The following PCDHA3 variants were observed in gnomAD, a reference collection of about 807,000 sequenced individuals.
PCDHA3 encodes the protein protocadherin alpha 3.
PCDHA3 carries 41 observed loss-of-function variants against 62.2 expected under a neutral mutation model. That is an observed-to-expected ratio of 0.66 (90% CI 0.51 to 0.86). PCDHA3 has a LOEUF of 0.86. Among genes scored for constraint, PCDHA3 ranks in the 40% least tolerant of loss-of-function variants. PCDHA3 has a pLI of 0.00. For missense variants in PCDHA3, 1,304 were observed against 1,241.2 expected (o/e 1.05, Z -0.76); for synonymous variants, 640 against 555.4 (o/e 1.15, Z -2.14).
intron 1 of PCDHA3, chr5:140,966,442 T>C (rs1474683794): frequency 4.7e-6 from 2 of 424,056 alleles, no homozygotes; most frequent in East Asian, 3.6e-5. Flanking sequence ...TACCGCTCCC[T>C]TTCCCCCTCC....
chr5:140,843,160 A>C lies in PCDHA3; in HGVS notation c.2394+39569A>C, dbSNP rs2150354112. The stretch of plus-strand genomic sequence containing the variant: ...CGTGGCTTTCGTATGAGCTGCAGCC[A>C]GCTGCAAGCAGCCCTCGCATCCCGT... On this transcript the variant is annotated intron_variant, in intron 1 of 3. Transcript: ENST00000522353. 3.6e-5 allele frequency: 58 copies of C among 1,596,000 alleles called. 4 individuals are homozygous for C. In the South Asian group the frequency reaches 6.1e-4, roughly 17 times the overall value.
intron 3 of PCDHA3, among the ~76,000 whole-genome samples, chr5:140,984,059 C>A (rs1269975627): frequency 6.6e-6 from 1 of 152,108 alleles, no homozygotes; most frequent in East Asian, 1.9e-4. Flanking sequence ...CAAATCTGTA[C>A]CCTCAGTGCC....
intron 1 of PCDHA3, among the ~76,000 whole-genome samples, chr5:140,952,473 A>C (rs1262702527): frequency 6.6e-6 from 1 of 152,210 alleles, no homozygotes; most frequent in Non-Finnish European, 1.5e-5. Flanking sequence ...GCATAAGGAA[A>C]GTGACATTTG....
chr5:140,883,362 C>T lies in PCDHA3; in HGVS notation c.2394+79771C>T, dbSNP rs1554177843. ...CTCCCCATCAGAGAAGACACTCAGC[C>T]TAGCGCCATTATTGCCCTAATCAGT... On this transcript the variant is annotated intron_variant, in intron 1 of 3. Transcript: ENST00000522353. The T allele has an allele frequency of 1.7e-5, 27 of 1,614,074 alleles. No homozygotes were observed. Among genetic ancestry groups the T allele is most frequent in the Non-Finnish European group, 2.3e-5 (27 of 1,180,046 alleles).
chr5:140,991,172 G>T (rs2097436221), intron 3 of PCDHA3, among the ~76,000 whole-genome samples: 1 of 152,160 alleles, frequency 6.6e-6, no homozygotes, highest in Non-Finnish European at 1.5e-5. Flanking sequence ...CCATTGTCAA[G>T]CAGGATGCCT....
rs140634296 is a variant in PCDHA3 at position 140,850,279 on chromosome 5, G to T, written c.2394+46688G>T. Reference sequence around the variant, plus strand: ...GCCGGCGTAGTGGTGGGGAAGGTGCGCGCAGTGGACGCCGACTCGGGCTAC... The same window carrying T: ...GCCGGCGTAGTGGTGGGGAAGGTGCTCGCAGTGGACGCCGACTCGGGCTAC... On this transcript the variant is annotated intron_variant, in intron 1 of 3. Transcript: ENST00000522353. The T allele has an allele frequency of 5.0e-6, 8 of 1,595,454 alleles. 2 individuals are homozygous for T. The highest frequency in any genetic ancestry group is 1.1e-5 in the South Asian group (1 of 90,466).
intron 1 of PCDHA3, among the ~76,000 whole-genome samples, chr5:140,921,151 ATT>A (rs11299094): frequency 0.33 from 49,606 of 151,532 alleles, 8,413 homozygotes; most frequent in East Asian, 0.53. Flanking sequence ...CAGCTAATGC[ATT>A]TTTTTTTTAA....
chr5:140,932,016 G>A lies in PCDHA3; in HGVS notation c.2395-46933G>A, dbSNP rs73266047. Among the ~76,000 whole-genome samples, 510 of 151,544 alleles carry A rather than the reference G, an allele frequency of 3.4e-3. 2 individuals carry two copies. Among genetic ancestry groups the A allele is most frequent in the African/African-American group, 0.012 (481 of 41,364 alleles). ...TCTAAGTTCTTTCATTTTAGTTTAC[G>A]GTAAGTTTACAGTATATATTAACAT... On this transcript the variant is annotated intron_variant, in intron 1 of 3. Transcript: ENST00000522353.
intron 1 of PCDHA3, chr5:140,862,660 G>T: frequency 1.8e-6 from 1 of 546,542 alleles, no homozygotes; most frequent in Non-Finnish European, 3.7e-6. Flanking sequence ...GCGGGACCGG[G>T]ACGCGCAGGA....
chr5:140,933,359 C>G (rs2089088301), intron 1 of PCDHA3, among the ~76,000 whole-genome samples: 1 of 151,832 alleles, frequency 6.6e-6, no homozygotes, highest in Non-Finnish European at 1.5e-5. Context: ...TATTTCTAAC[C>G]CATCCCAAAT....
Position 140,802,285 on chromosome 5 carries a change from C to A in PCDHA3, c.1088C>A (p.Ser363Tyr), listed in dbSNP as rs958561465. ...QSLSLPVLED[S>Y]PLSTVIALIS... ...CTATCTTTACCTGTATTAGAAGACT[C>A]TCCACTTAGCACAGTCATCGCTCTG... The change falls in exon 1 of 4, where the codon TCT becomes TAT. Residue 363 changes from serine to tyrosine, a missense_variant. Coordinates refer to ENST00000522353, the MANE Select transcript of PCDHA3 (RefSeq NM_018906.3). The A allele has an allele frequency of 6.2e-7, 1 of 1,614,230 alleles. No individual in the cohort carries two copies. The highest frequency in any genetic ancestry group is 8.5e-7 in the Non-Finnish European group (1 of 1,180,040).
rs150637034 is a variant in PCDHA3 at position 140,828,096 on chromosome 5, T to C, written c.2394+24505T>C. On this transcript the variant is annotated intron_variant, in intron 1 of 3. Coordinates refer to ENST00000522353, the MANE Select transcript of PCDHA3 (RefSeq NM_018906.3). ...ATAAAACCAGAGGTATTTGACATGGTGTTTACCCCGGAGGATAGATTGGGA... is the reference window on the plus strand; with the variant it reads ...ATAAAACCAGAGGTATTTGACATGGCGTTTACCCCGGAGGATAGATTGGGA... 3.2e-4 allele frequency: 509 copies of C among 1,604,738 alleles called. 4 individuals carry two copies. In the African/African-American group the frequency reaches 5.9e-3, roughly 19 times the overall value.
At chr5:140,859,250 T>C (rs952505479) in intron 1 of PCDHA3, 7 of 133,126 alleles carry the variant, frequency 5.3e-5, no homozygotes, top group African/African-American at 1.9e-4. Flanking sequence ...TGTTTAATAA[T>C]GAAGAGAATT....
rs781974273 is a variant in PCDHA3, at chr5:140,871,561, T to TC, written c.2394+67971dup. 4.7e-6 allele frequency: 7 copies of TC among 1,485,828 alleles called. No homozygotes were observed. In the African/African-American group the frequency reaches 9.9e-5, roughly 21 times the overall value. 92.0% of individuals were successfully genotyped at this position (1,485,828 alleles called of 1,614,324 possible). ...AAATTATTTAAAATCCAGTTTTTTT[T>TC]CACGGATTTTTTAAGGGAAAGTTTT... is the stretch of plus-strand genomic sequence containing the variant. On this transcript the variant is annotated intron_variant, in intron 1 of 3. Coordinates refer to ENST00000522353, the MANE Select transcript of PCDHA3 (RefSeq NM_018906.3).
At chr5:140,829,600 G>T (rs2150170965) in intron 1 of PCDHA3, 2 of 1,612,044 alleles carry the variant, frequency 1.2e-6, no homozygotes, top group Non-Finnish European at 8.5e-7. Flanking sequence ...GCGAGCGCGC[G>T]TTGTCGAGCT....
intron 1 of PCDHA3, among the ~76,000 whole-genome samples, chr5:140,933,677 T>G (rs1024721491): frequency 6.6e-6 from 1 of 151,826 alleles, no homozygotes; most frequent in African/African-American, 2.4e-5. Flanking sequence ...CTCTCTCACA[T>G]TTTTTTTCCT....
intron 1 of PCDHA3, chr5:140,860,230 A>G (rs1282358261): frequency 6.6e-6 from 1 of 151,076 alleles, no homozygotes; most frequent in Non-Finnish European, 1.5e-5. Context: ...TATATAAGCC[A>G]GGCATGGTGG....
rs2150289846 is a variant in PCDHA3, at chr5:140,838,476, G to A, written c.2394+34885G>A. On this transcript the variant is annotated intron_variant, in intron 1 of 3. Transcript: ENST00000522353. ...ATTATTTCATTAGCGCTTATTCCTT[G>A]TTTTTGATTATTTGCTTTCTTATTT... Among the ~76,000 whole-genome samples, 461 of 151,412 alleles carry A rather than the reference G, an allele frequency of 3.0e-3. 6 individuals carry two copies. Among genetic ancestry groups the A allele is most frequent in the Middle Eastern group, 0.014 (4 of 294 alleles).
In PCDHA3 at chr5:140,823,392, G is replaced by T. The variant is rs200444377; in HGVS notation, c.2394+19801G>T. On this transcript the variant is annotated intron_variant, in intron 1 of 3. Coordinates refer to ENST00000522353, the MANE Select transcript of PCDHA3 (RefSeq NM_018906.3). ...AGTTCCAGGTGAGCGCGCGCGACGC[G>T]GGCGTGCCGCCTCTGGGCAGCAACG... is the stretch of plus-strand genomic sequence containing the variant. The T allele has an allele frequency of 5.6e-6, 9 of 1,612,814 alleles. No individual in the cohort carries two copies. In the Admixed American group the frequency reaches 1.3e-4, roughly 24 times the overall value.
Sources: gnomAD v4.1 joint callset for allele counts (sites outside exome capture counted in the v4.1 genomes callset) on GRCh38, gnomAD v4.1.1 for gene constraint, MANE v1.5 for transcripts, NCBI Gene and HGNC (gene_info 2026-07-23, HGNC 2026-07-21) for gene names.